The following SH2D3C variants were observed in gnomAD, a reference collection of about 807,000 sequenced individuals.
SH2D3C encodes SH2 domain-containing protein 3C.
Under a neutral mutation model 75.2 loss-of-function variants are expected in SH2D3C, and 25 were observed. That is an observed-to-expected ratio of 0.33 (90% CI 0.24 to 0.46). The LOEUF (loss-of-function observed/expected upper bound fraction) is 0.46, where lower values mean the gene tolerates loss of function less well. SH2D3C is among the 20% of genes least tolerant of loss of function. SH2D3C has a pLI of 1.00. For synonymous variants in SH2D3C, 450 were observed against 473.7 expected (o/e 0.95, Z 0.65); for missense variants, 933 against 1,165.3 (o/e 0.80, Z 2.90).
In SH2D3C at chr9:127,755,005, G is replaced by A. The variant is rs951014228; in HGVS notation, c.556-3705C>T. The A allele has an allele frequency of 1.1e-5, 8 of 724,490 alleles. No individual in the cohort carries two copies. In the Admixed American group the frequency reaches 4.2e-4, roughly 38 times the overall value. 44.9% of individuals were successfully genotyped at this position (724,490 alleles called of 1,614,324 possible). On this transcript the variant is annotated intron_variant, in intron 3 of 11. Coordinates refer to ENST00000314830, the MANE Select transcript of SH2D3C (RefSeq NM_170600.3). ...CCGCTGAGCTGCAGCTCCCCGGCTG[G>A]CTCTAGGGCCCCGGGCGGAGCGGCC...
rs982563864 is a variant in SH2D3C, at chr9:127,774,064, G to T, written c.441C>A (p.Asp147Glu). The change falls in exon 2 of 12, where the codon GAC becomes GAA. Residue 147 changes from aspartate (D) to glutamate (E), a missense_variant. Physicochemically the swap from Asp to Glu is conservative, Grantham distance 45. Transcript: ENST00000314830. This position sits in a 1 kb window ranked among gnomAD's most constrained non-coding sequence, Gnocchi z 4.3. ...TGGGGACCTCAGGCTTTCTGATGGG[G>T]TCTACCTCCACTGCTGAAGGGTTGG... ...MEPNPSAVEV[D>E]PIRKPEVPTG... 1 of 1,614,180 alleles carries T rather than the reference G, an allele frequency of 6.2e-7. No homozygotes were observed. Among genetic ancestry groups the T allele is most frequent in the Non-Finnish European group, 8.5e-7 (1 of 1,180,034 alleles).
Position 127,741,877 on chromosome 9 carries a change from T to G in SH2D3C, c.1999A>C (p.Lys667Gln), listed in dbSNP as rs1844867967. 6.2e-7 allele frequency: 1 copy of G among 1,613,248 alleles called. No homozygotes were observed. The highest frequency in any genetic ancestry group is 8.5e-7 in the Non-Finnish European group (1 of 1,180,000). Residue 667 changes from lysine to glutamine, a missense_variant, in exon 9 of 12, where the codon AAG (lysine) becomes CAG (glutamine). Transcript: ENST00000314830. ...SAEERAALLH[K>Q]TIQLAAELRG... ...AGCTCGGCCGCCAGCTGAATGGTCTTGTGCAGCAGCGCTGCCCGCTCCTCC... is the reference window on the plus strand; with the variant it reads ...AGCTCGGCCGCCAGCTGAATGGTCTGGTGCAGCAGCGCTGCCCGCTCCTCC...
intron 3 of SH2D3C, 144 bp downstream of exon 3, chr9:127,761,467 C>T (rs906265650): frequency 3.4e-6 from 2 of 588,476 alleles, no homozygotes; most frequent in Non-Finnish European, 3.0e-6. Context: ...AATGCTGCCT[C>T]GACTCCGAGA....
chr9:127,755,097 G>C, intron 3 of SH2D3C: 1 of 1,214,968 alleles, frequency 8.2e-7, no homozygotes, highest in Non-Finnish European at 1.0e-6. Context: ...GCACGAAGGA[G>C]CCGCGGTAGA....
intron 3 of SH2D3C, among the ~76,000 whole-genome samples, chr9:127,757,297 G>T (rs1845409559): frequency 6.7e-6 from 1 of 148,740 alleles, no homozygotes. Flanking sequence ...TGAGAGGCAG[G>T]GTATCCCTCT....
intron 3 of SH2D3C, among the ~76,000 whole-genome samples, chr9:127,756,666 A>G (rs181987233): frequency 0.046 from 4,937 of 107,772 alleles, 126 homozygotes; most frequent in Middle Eastern, 0.1. Flanking sequence ...TTTTTTTGAG[A>G]TGGAGTCTCG....
chr9:127,747,383 G>A (rs1845064474), intron 5 of SH2D3C, 112 bp from the exon 6 acceptor site: 3 of 1,056,254 alleles, frequency 2.8e-6, no homozygotes, highest in Non-Finnish European at 3.9e-6. Context: ...AAGGCTTGGA[G>A]ATTATCAAAT....
Position 127,739,952 on chromosome 9 carries a change from T to A in SH2D3C, c.2201-64A>T. ...AGTGCCCCACCATCCACTGCAGTCCTGGAAGCTGAGGTGCAGGAGGGAACG... is the reference window on the plus strand; with the variant it reads ...AGTGCCCCACCATCCACTGCAGTCCAGGAAGCTGAGGTGCAGGAGGGAACG... On this transcript the variant is annotated intron_variant, in intron 10 of 11. Transcript: ENST00000314830. The surrounding 1 kb of genome is among the most constrained non-coding windows in gnomAD (Gnocchi z 4.3). 1 of 1,416,228 alleles carries A rather than the reference T, an allele frequency of 7.1e-7. No individual in the cohort carries two copies. Among genetic ancestry groups the A allele is most frequent in the Non-Finnish European group, 9.5e-7 (1 of 1,057,492 alleles). The allele number at this position is 1,416,228 out of a possible 1,614,324, so 87.7% of individuals were successfully genotyped here.
intron 2 of SH2D3C, among the ~76,000 whole-genome samples, chr9:127,773,360 C>T (rs1444412014): frequency 6.6e-6 from 1 of 151,968 alleles, no homozygotes; most frequent in Non-Finnish European, 1.5e-5. Context: ...GGTTTAGGAC[C>T]CATCCAGCAG....
rs750683663 is a variant in SH2D3C at position 127,754,809 on chromosome 9, C to T, written c.556-3509G>A. On this transcript the variant is annotated intron_variant, in intron 3 of 11. Coordinates refer to ENST00000314830, the MANE Select transcript of SH2D3C (RefSeq NM_170600.3). The surrounding 1 kb of genome is among the most constrained non-coding windows in gnomAD (Gnocchi z 4.4). ...CAGTCCCCCCTGCCCCAGCTCTCTC[C>T]CTCCTGCGGAGGAGGCAGAAACGGA... The T allele has an allele frequency of 1.2e-5, 6 of 483,580 alleles. No individual in the cohort carries two copies. Among genetic ancestry groups the T allele is most frequent in the African/African-American group, 4.0e-5 (2 of 50,252 alleles). 30.0% of individuals were successfully genotyped at this position (483,580 alleles called of 1,614,324 possible).
intron 2 of SH2D3C, among the ~76,000 whole-genome samples, chr9:127,767,783 G>A (rs908284443): frequency 2.6e-5 from 4 of 152,218 alleles, no homozygotes; most frequent in African/African-American, 7.2e-5. Context: ...TATGAAGCAG[G>A]TGCTGTCACT....
At chr9:127,761,065 TC>T (rs1391126558) in intron 3 of SH2D3C, among the ~76,000 whole-genome samples, 1 of 152,146 alleles carries the variant, frequency 6.6e-6, no homozygotes, top group Non-Finnish European at 1.5e-5. Flanking sequence ...GGTCCTGCAT[TC>T]CTGACCTCAG....
At chr9:127,777,709 G>A (rs1025071284) in intron 1 of SH2D3C, among the ~76,000 whole-genome samples, 4 of 152,136 alleles carry the variant, frequency 2.6e-5, no homozygotes, top group Non-Finnish European at 5.9e-5. Context: ...CGAGAGACGC[G>A]GTGGGGAGAC....
intron 3 of SH2D3C, among the ~76,000 whole-genome samples, chr9:127,757,140 A>T (rs916280794): frequency 1.4e-5 from 2 of 139,848 alleles, no homozygotes; most frequent in Non-Finnish European, 3.1e-5. Flanking sequence ...ATGGGGTTTC[A>T]CCATGTTGGC....
At chr9:127,773,368 C>A (rs531736179) in intron 2 of SH2D3C, among the ~76,000 whole-genome samples, 1 of 152,222 alleles carries the variant, frequency 6.6e-6, no homozygotes, top group Non-Finnish European at 1.5e-5. Context: ...ACCCATCCAG[C>A]AGCTGAGGGC....
At chr9:127,762,304 T>TC (rs890906522) in intron 2 of SH2D3C, 7 of 1,287,250 alleles carry the variant, frequency 5.4e-6, no homozygotes, top group African/African-American at 4.6e-5. Context: ...CGTGAACCAC[T>TC]CCCCCCACCG....
At chr9:127,771,298 C>T (rs1019708584) in intron 2 of SH2D3C, 4 of 1,505,146 alleles carry the variant, frequency 2.7e-6, no homozygotes, top group Non-Finnish European at 3.5e-6. Flanking sequence ...CTTTCTCGGG[C>T]CACTGAGCTG....
intron 2 of SH2D3C, among the ~76,000 whole-genome samples, chr9:127,772,284 C>T (rs562834593): frequency 4.0e-5 from 6 of 149,226 alleles, no homozygotes. Flanking sequence ...CTTTGTCGCC[C>T]AGGCTGGAGT....
At chr9:127,762,619 T>C (rs1383631346) in intron 2 of SH2D3C, among the ~76,000 whole-genome samples, 2 of 152,280 alleles carry the variant, frequency 1.3e-5, no homozygotes, top group South Asian at 2.1e-4. Context: ...GTCAGAATCC[T>C]CTCCGCATGT....
Sources: gnomAD v4.1 joint callset for allele counts (sites outside exome capture counted in the v4.1 genomes callset) on GRCh38, gnomAD v4.1.1 for gene constraint, Gnocchi (gnomAD v3.1) non-coding constraint, MANE v1.5 for transcripts, NCBI Gene and HGNC (gene_info 2026-07-23, HGNC 2026-07-21) for gene names.